The following EIF5B variants were observed in gnomAD, a reference collection of about 807,000 sequenced individuals.
The protein encoded by EIF5B is eIF-5B.
A neutral mutation model predicts 147.5 loss-of-function variants in EIF5B; 47 were observed. That is an observed-to-expected ratio of 0.32 (90% CI 0.25 to 0.41). The LOEUF (loss-of-function observed/expected upper bound fraction) is 0.41, where lower values mean the gene tolerates loss of function less well. Among genes scored for constraint, EIF5B ranks in the 10% least tolerant of loss-of-function variants. The probability of loss-of-function intolerance (pLI) is 1.00; values close to 1 mark genes in which losing one functional copy is unlikely to be tolerated. For synonymous variants in EIF5B, 455 were observed against 456.2 expected, an observed-to-expected ratio of 1.00 and a Z score of 0.03; for missense variants, 1,064 against 1,413.2, an observed-to-expected ratio of 0.75 and a Z score of 3.96.
At chr2:99,393,155 A>C (rs962937454) in intron 18 of EIF5B, 57 bp downstream of exon 18, 98 of 1,411,250 alleles carry the variant, frequency 6.9e-5, no homozygotes, top group Admixed American at 2.6e-5. Flanking sequence ...GGCATGTGTC[A>C]GCATTGCACA....
chr2:99,400,507 T>C lies in EIF5B; in HGVS notation c.*1093T>C, dbSNP rs1675220704. On this transcript the variant is annotated 3_prime_UTR_variant, in exon 24 of 24. Transcript: ENST00000289371. ...TTAAACTATTTTTATTTTAAAGTTATGGCATAACATATAACATAAAAATAT... is the reference window on the plus strand; with the variant it reads ...TTAAACTATTTTTATTTTAAAGTTACGGCATAACATATAACATAAAAATAT... 1 of 152,190 alleles carries C rather than the reference T, an allele frequency of 6.6e-6. No individual in the cohort carries two copies. The highest frequency in any genetic ancestry group is 1.5e-5 in the Non-Finnish European group (1 of 68,038). The allele number at this position is 152,190 out of a possible 1,614,324, so 9.4% of individuals were successfully genotyped here.
chr2:99,364,907 T>C (rs533444881), intron 6 of EIF5B, among the ~76,000 whole-genome samples: 1 of 152,316 alleles, frequency 6.6e-6, no homozygotes, highest in South Asian at 2.1e-4. Context: ...CCTTACTTTC[T>C]GATGCAACAA....
chr2:99,368,112 G>A (rs946961750), intron 6 of EIF5B, among the ~76,000 whole-genome samples: 2 of 152,186 alleles, frequency 1.3e-5, no homozygotes, highest in African/African-American at 2.4e-5. Context: ...AGGCCAGACC[G>A]TAAGATTCCA....
chr2:99,382,504 A>G (rs557661102), intron 13 of EIF5B, among the ~76,000 whole-genome samples: 81 of 152,328 alleles, frequency 5.3e-4, no homozygotes, highest in African/African-American at 1.8e-3. Flanking sequence ...CAAGTGGAAT[A>G]TTATGCTGTT....
Position 99,361,230 on chromosome 2 carries a change from A to G in EIF5B, c.329A>G (p.Asp110Gly), listed in dbSNP as rs1674204947. ...AAGGGCAAAAAACAGAGTTTTGATG[A>G]TAATGATAGCGAAGAATTGGAAGAT... ...GQKGKKQSFD[D>G]NDSEELEDKD... is the part of the protein sequence containing the mutation. The change falls in exon 4 of 24, where the codon GAT becomes GGT. Residue 110 changes from aspartate (D) to glycine (G), a missense_variant. Physicochemically the swap from Asp to Gly is moderately conservative, Grantham distance 94 (BLOSUM62 -1). Coordinates refer to ENST00000289371, the MANE Select transcript of EIF5B (RefSeq NM_015904.4). 1 of 1,609,338 alleles carries G rather than the reference A, an allele frequency of 6.2e-7. No homozygotes were observed. Among genetic ancestry groups the G allele is most frequent in the South Asian group, 1.1e-5 (1 of 89,236 alleles).
chr2:99,390,186 C>T, intron 15 of EIF5B, 33 bp from the exon 16 acceptor site: 1 of 1,612,036 alleles, frequency 6.2e-7, no homozygotes, highest in Non-Finnish European at 8.5e-7. Flanking sequence ...GTTTTCTTTA[C>T]AGCCTGGCAT....
chr2:99,396,993 AG>A (rs1675065439), intron 22 of EIF5B, 95 bp downstream of exon 22: 1 of 1,387,052 alleles, frequency 7.2e-7, no homozygotes, highest in African/African-American at 1.4e-5. Context: ...TGTAGTTCAC[AG>A]TACTGTGCTG....
At chr2:99,369,534 G>T (rs967261834) in intron 8 of EIF5B, 53 bp downstream of exon 8, 2 of 1,448,004 alleles carry the variant, frequency 1.4e-6, no homozygotes, top group Non-Finnish European at 1.9e-6. Flanking sequence ...AAATAGTGTT[G>T]GTGTGTCATA....
intron 1 of EIF5B, among the ~76,000 whole-genome samples, chr2:99,350,396 TC>T (rs35975114): frequency 0.44 from 66,394 of 151,964 alleles, 14,781 homozygotes; most frequent in Admixed American, 0.57. Flanking sequence ...AATTTACATT[TC>T]CCCCCACAGT....
Position 99,377,564 on chromosome 2 carries a change from C to T in EIF5B, c.1842+928C>T, listed in dbSNP as rs371906266. On this transcript the variant is annotated intron_variant, in intron 10 of 23. Transcript: ENST00000289371. Reference sequence around the variant, plus strand: ...CGTAGCACCTACTCCCACCAGCTCCCTTGCCATATACCCATGTTCGAGAGA... The same window carrying T: ...CGTAGCACCTACTCCCACCAGCTCCTTTGCCATATACCCATGTTCGAGAGA... 4.3e-4 allele frequency among the ~76,000 whole-genome samples: 66 copies of T among 151,772 alleles called. No homozygotes were observed. In the South Asian group the frequency reaches 7.5e-3, roughly 17 times the overall value.
intron 13 of EIF5B, among the ~76,000 whole-genome samples, chr2:99,382,472 C>T (rs186735078): frequency 6.6e-6 from 1 of 152,298 alleles, no homozygotes; most frequent in Admixed American, 6.5e-5. Context: ...CATGCCAGGC[C>T]TATCTCCTGT....
intron 6 of EIF5B, among the ~76,000 whole-genome samples, chr2:99,365,348 A>G (rs1674304225): frequency 6.6e-6 from 1 of 152,218 alleles, no homozygotes; most frequent in African/African-American, 2.4e-5. Context: ...CACAGAGCTG[A>G]AATTTAAGCT....
intron 11 of EIF5B, 56 bp from the exon 12 acceptor site, chr2:99,379,262 T>C (rs757528301): frequency 1.8e-4 from 272 of 1,502,760 alleles, no homozygotes; most frequent in Admixed American, 2.7e-4. Context: ...CTTATTATTT[T>C]TGCTGCTATC....
chr2:99,342,944 TTTTCTTTCTTTC>T (rs750690880), intron 1 of EIF5B, among the ~76,000 whole-genome samples: 1 of 151,060 alleles, frequency 6.6e-6, no homozygotes, highest in Admixed American at 6.6e-5. Flanking sequence ...TGGGTTGTCT[TTTTCTTTCTTTC>T]TTTCTTTCTT....
intron 1 of EIF5B, among the ~76,000 whole-genome samples, chr2:99,343,949 C>T (rs868769807): frequency 1.3e-5 from 2 of 150,760 alleles, no homozygotes; most frequent in South Asian, 2.1e-4. Flanking sequence ...GACGGAGTCT[C>T]GCTCTGTCGC....
intron 15 of EIF5B, 62 bp downstream of exon 15, chr2:99,389,911 T>C (rs1674888046): frequency 6.6e-7 from 1 of 1,518,724 alleles, no homozygotes; most frequent in African/African-American, 1.4e-5. Flanking sequence ...ATTATCTTTA[T>C]AATGAAGTCA....
intron 12 of EIF5B, among the ~76,000 whole-genome samples, 199 bp from the exon 13 acceptor site, chr2:99,381,959 AT>A (rs138559170): frequency 6.6e-6 from 1 of 152,108 alleles, no homozygotes; most frequent in Admixed American, 6.6e-5. Context: ...CTCATTTAGT[AT>A]TTTTTTGTTA....
rs981237224 is a variant in EIF5B, at chr2:99,401,160, C to A, written c.*1746C>A. 37 of 736,306 alleles carry A rather than the reference C, an allele frequency of 5.0e-5. No homozygotes were observed. In the Middle Eastern group the frequency reaches 1.6e-3, roughly 31 times the overall value. 45.6% of individuals were successfully genotyped at this position (736,306 alleles called of 1,614,324 possible). A position where few individuals can be genotyped will look rare whatever the true frequency, so the allele number is the denominator to read the frequency against. On this transcript the variant is annotated 3_prime_UTR_variant, in exon 24 of 24. Coordinates refer to ENST00000289371, the MANE Select transcript of EIF5B (RefSeq NM_015904.4). ...AATTTAAAATTATAAAAACTCCGAG[C>A]ATTACTATCATGCACTTTGCAAATA...
At chr2:99,338,199 C>T (rs547303601) in intron 1 of EIF5B, 7 of 696,084 alleles carry the variant, frequency 1.0e-5, no homozygotes, top group Non-Finnish European at 1.3e-5. Context: ...TCTTTGCTCT[C>T]TAGCCTTCCC....
Sources: allele counts gnomAD v4.1 joint callset (sites outside exome capture counted in the v4.1 genomes callset), GRCh38; gene constraint gnomAD v4.1.1; transcripts MANE v1.5; gene names NCBI Gene and HGNC (gene_info 2026-07-23, HGNC 2026-07-21).